Variants in ADGRE1 observed in about 807,000 individuals in gnomAD.
The protein encoded by ADGRE1 is EGF-like module receptor 1.
A neutral mutation model predicts 102.7 loss-of-function variants in ADGRE1; 82 were observed. That is an observed-to-expected ratio of 0.80 (90% CI 0.67 to 0.96). ADGRE1 has a LOEUF of 0.96. ADGRE1 is among the 40% of genes least tolerant of loss of function. The pLI is 0.00. For synonymous variants in ADGRE1, 398 were observed against 399.6 expected (o/e 1.00, Z 0.05); for missense variants, 1,032 against 1,085.3 (o/e 0.95, Z 0.69).
rs1004933647 is a variant in ADGRE1, at chr19:6,931,796, A to AG, written c.2290-3191_2290-3190insG. 5.2e-5 allele frequency among the ~76,000 whole-genome samples: 3 copies of AG among 57,164 alleles called. No homozygotes were observed. The Admixed American group carries it at 5.3e-4, about 10-fold the overall frequency. The allele number at this position is 57,164 out of a possible 152,430, so 37.5% of individuals were successfully genotyped here. ...CTGGGTGACAGAGGGAGACTGTCTC[A>AG]AAAAAAAGAAAAAAAAAAAGGAACA... On this transcript the variant is annotated intron_variant, in intron 17 of 20. Transcript: ENST00000312053.
intron 16 of ADGRE1, among the ~76,000 whole-genome samples, chr19:6,927,884 A>G (rs1479942104): frequency 6.6e-6 from 1 of 152,134 alleles, no homozygotes; most frequent in Admixed American, 6.6e-5. Context: ...AGAGGGAAAC[A>G]GGATTACAAA....
At chr19:6,889,253 A>G (rs1378020827) in intron 1 of ADGRE1, among the ~76,000 whole-genome samples, 2 of 151,668 alleles carry the variant, frequency 1.3e-5, no homozygotes, top group Middle Eastern at 3.4e-3. Flanking sequence ...GATGGTGATG[A>G]TGATAATGGT....
intron 12 of ADGRE1, 27 bp downstream of exon 12, chr19:6,916,395 G>A: frequency 6.2e-7 from 1 of 1,602,888 alleles, no homozygotes; most frequent in Non-Finnish European, 8.5e-7. Context: ...GAGAATGCAG[G>A]TTATGGTGTA....
intron 2 of ADGRE1, chr19:6,895,997 G>A (rs1229936783): frequency 2.5e-5 from 4 of 157,660 alleles, no homozygotes; most frequent in African/African-American, 9.6e-5. Context: ...AAGGCTATAG[G>A]GCAGAATCTG....
Position 6,906,470 on chromosome 19 carries a change from T to A in ADGRE1, c.987T>A (p.Asp329Glu), listed in dbSNP as rs1973961652. 2 of 1,613,850 alleles carry A rather than the reference T, an allele frequency of 1.2e-6. No individual in the cohort carries two copies. Among genetic ancestry groups the A allele is most frequent in the Non-Finnish European group, 1.7e-6 (2 of 1,179,892 alleles). The change falls in exon 9 of 21, where the codon GAT (aspartate) becomes GAA (glutamate). Residue 329 changes from aspartate to glutamate, a missense_variant. Physicochemically the swap from Asp to Glu is conservative, Grantham distance 45. Transcript: ENST00000312053. The part of the protein sequence containing the change: ...LFKCKEDVIP[D>E]NKQIQQCQEG... ...AATGTAAGGAAGATGTGATACCCGATAATAAGCAGATCCAGCAATGCCAAG... is the reference window on the plus strand; with the variant it reads ...AATGTAAGGAAGATGTGATACCCGAAAATAAGCAGATCCAGCAATGCCAAG...
intron 11 of ADGRE1, 115 bp downstream of exon 11, chr19:6,913,945 C>T: frequency 2.5e-6 from 3 of 1,204,812 alleles, no homozygotes; most frequent in South Asian, 3.5e-5. Context: ...TGTTTAAAAA[C>T]TTTGAATTCA....
intron 17 of ADGRE1, among the ~76,000 whole-genome samples, chr19:6,933,430 C>G (rs1478530615): frequency 6.7e-6 from 1 of 149,256 alleles, no homozygotes; most frequent in African/African-American, 2.5e-5. Context: ...TCTTGTTGCC[C>G]AGGCTGGAGT....
chr19:6,917,947 C>T (rs966095772), intron 12 of ADGRE1, among the ~76,000 whole-genome samples: 1 of 151,930 alleles, frequency 6.6e-6, no homozygotes, highest in Non-Finnish European at 1.5e-5. Context: ...AAGGCAAGGA[C>T]ATTTGTGAGG....
Position 6,940,129 on chromosome 19 carries a change from A to G in ADGRE1, c.*100A>G, listed in dbSNP as rs1373269367. 4 of 1,393,470 alleles carry G rather than the reference A, an allele frequency of 2.9e-6. No individual in the cohort carries two copies. Among genetic ancestry groups the G allele is most frequent in the Admixed American group, 1.9e-5 (1 of 53,220 alleles). The allele number at this position is 1,393,470 out of a possible 1,614,324, so 86.3% of individuals were successfully genotyped here. Reference sequence around the variant, plus strand: ...AATCTCTTCTCAGCTTAACATGGAAATGAGGATCCCACCAGCCCCAGAACC... The same window carrying G: ...AATCTCTTCTCAGCTTAACATGGAAGTGAGGATCCCACCAGCCCCAGAACC... On this transcript the variant is annotated 3_prime_UTR_variant, in exon 21 of 21. Transcript: ENST00000312053.
chr19:6,937,366 G>T lies in ADGRE1; in HGVS notation c.2505G>T (p.Leu835=), dbSNP rs1975458209. The T allele has an allele frequency of 6.2e-6, 10 of 1,614,022 alleles. No individual in the cohort carries two copies. Among genetic ancestry groups the T allele is most frequent in the South Asian group, 1.1e-5 (1 of 91,084 alleles). Reference sequence around the variant, plus strand: ...ACCTGTTCACCATCATCAACAGCCTGCAGGGGGCCTTCATCTTCCTCATCC... The same window carrying T: ...ACCTGTTCACCATCATCAACAGCCTTCAGGGGGCCTTCATCTTCCTCATCC... ...MAYLFTIINS[L]QGAFIFLIHC... The change falls in exon 19 of 21, where the codon CTG becomes CTT. Residue 835 remains leucine (L), a synonymous_variant. Transcript: ENST00000312053.
intron 11 of ADGRE1, among the ~76,000 whole-genome samples, chr19:6,916,008 TG>T (rs1181623102): frequency 2.0e-5 from 3 of 150,844 alleles, no homozygotes; most frequent in Admixed American, 2.0e-4. Flanking sequence ...CATCTTTCCC[TG>T]ATGCACCCCC....
rs143245445 is a variant in ADGRE1, at chr19:6,903,869, A to T, written c.721A>T (p.Ser241Cys). The change falls in exon 7 of 21, where the codon AGC becomes TGC. Residue 241 changes from serine (S) to cysteine (C), a missense_variant. Physicochemically the swap from Ser to Cys is moderately radical, Grantham distance 112 (BLOSUM62 -1). Transcript: ENST00000312053. ...INSTCTNTPG[S>C]YFCTCHPGFA... ...TTCAACATGCACCAACACTCCTGGG[A>T]GCTACTTTTGCACCTGCCACCCTGG... 2,278 of 1,614,142 alleles carry T rather than the reference A, an allele frequency of 1.4e-3. 13 individuals are homozygous for T. Among genetic ancestry groups the T allele is most frequent in the Middle Eastern group, 8.6e-3 (52 of 6,062 alleles).
chr19:6,916,180 T>G (rs1974372417), intron 11 of ADGRE1, 69 bp from the exon 12 acceptor site: 2 of 1,556,510 alleles, frequency 1.3e-6, no homozygotes, highest in Non-Finnish European at 1.7e-6. Flanking sequence ...TACCTTTTTT[T>G]GGACAGAAAC....
At chr19:6,934,604 T>A (rs1426621205) in intron 17 of ADGRE1, among the ~76,000 whole-genome samples, 8 of 142,876 alleles carry the variant, frequency 5.6e-5, no homozygotes, top group African/African-American at 2.2e-4. Context: ...TTTTGTATTT[T>A]TTTTTTTTTT....
Position 6,937,380 on chromosome 19 carries a change from T to A in ADGRE1, c.2519T>A (p.Ile840Asn), listed in dbSNP as rs1412694528. 1 of 1,613,822 alleles carries A rather than the reference T, an allele frequency of 6.2e-7. No individual in the cohort carries two copies. Among genetic ancestry groups the A allele is most frequent in the Non-Finnish European group, 8.5e-7 (1 of 1,179,996 alleles). Reference sequence around the variant, plus strand: ...ATCAACAGCCTGCAGGGGGCCTTCATCTTCCTCATCCACTGTCTGCTCAAC... The same window carrying A: ...ATCAACAGCCTGCAGGGGGCCTTCAACTTCCTCATCCACTGTCTGCTCAAC... ...TIINSLQGAF[I>N]FLIHCLLNGQ... Residue 840 changes from isoleucine to asparagine, a missense_variant, in exon 19 of 21, where the codon ATC becomes AAC. Coordinates refer to ENST00000312053, the MANE Select transcript of ADGRE1 (RefSeq NM_001974.5).
rs1395507709 is a variant in ADGRE1, at chr19:6,926,358, C to T, written c.1987-8C>T. 4 of 1,613,404 alleles carry T rather than the reference C, an allele frequency of 2.5e-6. No homozygotes were observed. Among genetic ancestry groups the T allele is most frequent in the Non-Finnish European group, 3.4e-6 (4 of 1,179,948 alleles). On this transcript the variant is annotated splice_region_variant and splice_polypyrimidine_tract_variant and intron_variant, in intron 15 of 20. Coordinates refer to ENST00000312053, the MANE Select transcript of ADGRE1 (RefSeq NM_001974.5). The stretch of plus-strand genomic sequence containing the variant: ...GAGGATTCTGATGCGCATGCTTCTC[C>T]CCTCCAGATGGGCTGCGCCATCATC...
At chr19:6,935,916 T>G (rs1217958772) in intron 18 of ADGRE1, among the ~76,000 whole-genome samples, 5 of 152,238 alleles carry the variant, frequency 3.3e-5, no homozygotes, top group African/African-American at 1.2e-4. Flanking sequence ...TTCTATCTCA[T>G]TACTTTTGTT....
chr19:6,933,986 T>C (rs73920254), intron 17 of ADGRE1, among the ~76,000 whole-genome samples: 7,377 of 152,180 alleles, frequency 0.048, 597 homozygotes, highest in African/African-American at 0.17. Flanking sequence ...CTGGATGCAC[T>C]TTGGGAAAAT....
chr19:6,933,385 CTTTT>C (rs34493324), intron 17 of ADGRE1, among the ~76,000 whole-genome samples: 3 of 129,884 alleles, frequency 2.3e-5, no homozygotes, highest in African/African-American at 2.9e-5. Flanking sequence ...AGTGTGAAGA[CTTTT>C]TTTTTTTTTT....
Sources: gnomAD v4.1 joint callset for allele counts (sites outside exome capture counted in the v4.1 genomes callset) on GRCh38, gnomAD v4.1.1 for gene constraint, MANE v1.5 for transcripts, NCBI Gene and HGNC (gene_info 2026-07-23, HGNC 2026-07-21) for gene names.